The following SPOCK3 variants were observed in gnomAD, a reference collection of about 807,000 sequenced individuals.
The protein encoded by SPOCK3 is SPARC (osteonectin), cwcv and kazal like domains proteoglycan 3.
SPOCK3 carries 30 observed loss-of-function variants against 56.6 expected under a neutral mutation model. The observed-to-expected ratio is 0.53, with a 90% CI of 0.40 to 0.72. The LOEUF (loss-of-function observed/expected upper bound fraction) is 0.72, where lower values mean the gene tolerates loss of function less well. Ranked by LOEUF, SPOCK3 falls within the 30% of genes least tolerant of loss-of-function variation. The pLI, the probability that SPOCK3 is intolerant of heterozygous loss-of-function variation, is 0.00. For missense variants in SPOCK3, 527 were observed against 530.0 expected (o/e 0.99, Z 0.06); for synonymous variants, 196 against 183.3 (o/e 1.07, Z -0.56).
intron 3 of SPOCK3, among the ~76,000 whole-genome samples, chr4:167,054,011 A>C (rs1754507536): frequency 1.3e-5 from 2 of 152,210 alleles, no homozygotes; most frequent in Non-Finnish European, 2.9e-5. Flanking sequence ...GGTAGAGAAC[A>C]AGTAGGGACG....
chr4:166,883,070 C>T (rs1579527726), intron 6 of SPOCK3: 2 of 152,042 alleles, frequency 1.3e-5, no homozygotes, highest in African/African-American at 4.8e-5. Flanking sequence ...ATTGAAAATC[C>T]ATTCCATAAT....
chr4:167,031,601 G>A (rs1193057808), intron 3 of SPOCK3, among the ~76,000 whole-genome samples: 1 of 151,960 alleles, frequency 6.6e-6, no homozygotes, highest in African/African-American at 2.4e-5. Context: ...ATGTCTGCTC[G>A]CCTACAGTGG....
intron 7 of SPOCK3, among the ~76,000 whole-genome samples, chr4:166,768,015 T>G (rs1738361475): frequency 1.0e-5 from 1 of 98,858 alleles, no homozygotes; most frequent in African/African-American, 4.8e-5. Flanking sequence ...TTGCAAACCC[T>G]GCTTTTTTTG....
intron 2 of SPOCK3, among the ~76,000 whole-genome samples, chr4:167,182,866 T>C (rs1397221720): frequency 2.6e-5 from 4 of 152,268 alleles, no homozygotes; most frequent in East Asian, 1.9e-4. Context: ...TTTTGGCAGA[T>C]TGTAACACTG....
intron 6 of SPOCK3, chr4:166,882,706 C>T (rs1446786260): frequency 6.6e-6 from 1 of 152,138 alleles, no homozygotes; most frequent in Non-Finnish European, 1.5e-5. Flanking sequence ...TTTAGTCCAA[C>T]ATCAGTTTCA....
At position 166,792,275 on chromosome 4, in the gene SPOCK3, C is replaced by G. The variant is rs1366628521; in HGVS notation, c.604G>C (p.Glu202Gln). The change falls in exon 7 of 11, where the codon GAG becomes CAG. Residue 202 changes from glutamate to glutamine, a missense_variant. Glu to Gln is a conservative substitution (Grantham distance 29). Coordinates refer to ENST00000357545, the MANE Select transcript of SPOCK3 (RefSeq NM_001040159.2). ...AATCTGTTTGCCACTTCCCTGAACTCCAGGTCACTGCATGCTAAAAACAGA... is the reference window on the plus strand; with the variant it reads ...AATCTGTTTGCCACTTCCCTGAACTGCAGGTCACTGCATGCTAAAAACAGA... ...RNVKRACSDL[E>Q]FREVANRLRD... The G allele has an allele frequency of 6.2e-7, 1 of 1,613,786 alleles. No individual in the cohort carries two copies. The highest frequency in any genetic ancestry group is 1.7e-5 in the Admixed American group (1 of 59,986).
chr4:166,835,422 A>G (rs531121691), intron 6 of SPOCK3, among the ~76,000 whole-genome samples: 45 of 152,342 alleles, frequency 3.0e-4, no homozygotes, highest in African/African-American at 1.1e-3. Context: ...TTATTTTTTT[A>G]AACATCTGAA....
At chr4:166,870,989 T>C (rs1175523059) in intron 6 of SPOCK3, among the ~76,000 whole-genome samples, 1 of 152,050 alleles carries the variant, frequency 6.6e-6, no homozygotes, top group African/African-American at 2.4e-5. Flanking sequence ...AAGAAGGTCC[T>C]TGCTTCCCCT....
At position 167,066,418 on chromosome 4, in the gene SPOCK3, A is replaced by C. The variant is rs187553107; in HGVS notation, c.190-3881T>G. 2.9e-3 allele frequency among the ~76,000 whole-genome samples: 443 copies of C among 152,014 alleles called. 1 individual carries two copies. Among genetic ancestry groups the C allele is most frequent in the African/African-American group, 0.01 (423 of 41,536 alleles). On this transcript the variant is annotated intron_variant, in intron 2 of 10. Coordinates refer to ENST00000357545, the MANE Select transcript of SPOCK3 (RefSeq NM_001040159.2). Reference sequence around the variant, plus strand: ...TTATTGCCAAATATCCTCTGGAAGAAAAATTCACTCATTTGAATACAGCTG... The same window carrying C: ...TTATTGCCAAATATCCTCTGGAAGACAAATTCACTCATTTGAATACAGCTG...
intron 2 of SPOCK3, among the ~76,000 whole-genome samples, chr4:167,222,993 T>C (rs1328117544): frequency 7.9e-6 from 1 of 126,394 alleles, no homozygotes; most frequent in Non-Finnish European, 1.6e-5. Flanking sequence ...TTATATTTTA[T>C]ATATGAATAT....
chr4:166,906,493 A>C (rs1736629323), intron 5 of SPOCK3, among the ~76,000 whole-genome samples: 1 of 151,418 alleles, frequency 6.6e-6, no homozygotes, highest in East Asian at 1.9e-4. Context: ...AAAAAAAAAA[A>C]AAAAAAAACC....
chr4:166,922,902 C>A (rs1300489453), intron 4 of SPOCK3, among the ~76,000 whole-genome samples: 2 of 152,296 alleles, frequency 1.3e-5, no homozygotes, highest in South Asian at 4.1e-4. Context: ...TTCGTTAGAT[C>A]ACACTTCCAG....
intron 7 of SPOCK3, 128 bp downstream of exon 7, chr4:166,792,042 C>T (rs909500588): frequency 2.8e-5 from 29 of 1,048,058 alleles, no homozygotes; most frequent in Non-Finnish European, 3.7e-5. Flanking sequence ...GAAGTAATAA[C>T]GTTCTGATTT....
chr4:167,205,370 T>TTA (rs576686752), intron 2 of SPOCK3, among the ~76,000 whole-genome samples: 1 of 35,224 alleles, frequency 2.8e-5, no homozygotes, highest in Non-Finnish European at 4.5e-5. Flanking sequence ...ATTATATATT[T>TTA]TATATATATA....
intron 8 of SPOCK3, among the ~76,000 whole-genome samples, chr4:166,744,624 T>C (rs6553788): frequency 0.79 from 119,653 of 152,084 alleles, 47,325 homozygotes; most frequent in South Asian, 0.82. Flanking sequence ...CAAAGCTGGA[T>C]GGAGAATGAC....
At chr4:166,885,717 G>A (rs1002738695) in intron 6 of SPOCK3, among the ~76,000 whole-genome samples, 3 of 152,080 alleles carry the variant, frequency 2.0e-5, no homozygotes, top group African/African-American at 7.2e-5. Flanking sequence ...TTAAATGCAT[G>A]TTGGGGTTAA....
At chr4:167,223,289 T>C (rs962722099) in intron 2 of SPOCK3, among the ~76,000 whole-genome samples, 1 of 143,792 alleles carries the variant, frequency 7.0e-6, no homozygotes. Flanking sequence ...TATGTATTTA[T>C]ATATTCATTT....
At chr4:166,962,705 T>C (rs1372098080) in intron 4 of SPOCK3, among the ~76,000 whole-genome samples, 3 of 152,076 alleles carry the variant, frequency 2.0e-5, no homozygotes, top group East Asian at 3.9e-4. Context: ...ACGACTTCCA[T>C]AGACCCTACA....
chr4:167,127,691 G>A (rs1405507595), intron 2 of SPOCK3, among the ~76,000 whole-genome samples: 1 of 152,152 alleles, frequency 6.6e-6, no homozygotes, highest in Non-Finnish European at 1.5e-5. Flanking sequence ...GCCTCCGAAA[G>A]TGCTGGGGTT....
Sources: gnomAD v4.1 joint callset for allele counts (sites outside exome capture counted in the v4.1 genomes callset) on GRCh38, gnomAD v4.1.1 for gene constraint, MANE v1.5 for transcripts, NCBI Gene and HGNC (gene_info 2026-07-23, HGNC 2026-07-21) for gene names.